Variants in CNTN5 observed in about 807,000 individuals in gnomAD.
CNTN5 encodes the protein contactin 5.
In CNTN5, 77 loss-of-function variants were observed where a neutral mutation model predicts 129.1. That is an observed-to-expected ratio of 0.60 (90% CI 0.50 to 0.72). CNTN5 has a LOEUF of 0.72. CNTN5 is among the 30% of genes least tolerant of loss of function. The pLI is 0.00. For synonymous variants in CNTN5, 509 were observed against 465.6 expected, an observed-to-expected ratio of 1.09 and a Z score of -1.20; for missense variants, 1,478 against 1,328.8, an observed-to-expected ratio of 1.11 and a Z score of -1.75.
At chr11:99,560,544 G>A (rs1209766297) in intron 3 of CNTN5, among the ~76,000 whole-genome samples, 2 of 152,056 alleles carry the variant, frequency 1.3e-5, no homozygotes, top group East Asian at 1.9e-4. Context: ...GCCTGCCTCG[G>A]CCTCCCAAAC....
intron 3 of CNTN5, among the ~76,000 whole-genome samples, chr11:99,666,143 T>A (rs1437442184): frequency 6.6e-6 from 1 of 152,054 alleles, no homozygotes; most frequent in East Asian, 1.9e-4. Context: ...GATTTTTGTA[T>A]TTTTAGTGGT....
intron 6 of CNTN5, among the ~76,000 whole-genome samples, chr11:99,861,577 G>T (rs1266106735): frequency 2.0e-5 from 3 of 151,982 alleles, no homozygotes; most frequent in Admixed American, 6.6e-5. Context: ...TTATGTGTAG[G>T]TAAAACTCAA....
At chr11:100,108,142 C>G (rs111888724) in intron 13 of CNTN5, among the ~76,000 whole-genome samples, 3,352 of 151,852 alleles carry the variant, frequency 0.022, 92 homozygotes, top group African/African-American at 0.064. Context: ...TCCCAGAAGG[C>G]CAAGCTGAGA....
chr11:99,860,670 T>C (rs1948175583), intron 6 of CNTN5, among the ~76,000 whole-genome samples: 1 of 152,176 alleles, frequency 6.6e-6, no homozygotes, highest in African/African-American at 2.4e-5. Flanking sequence ...TCTGATTTTG[T>C]ACCAGTACCA....
At chr11:100,000,601 G>C (rs1939797391) in intron 8 of CNTN5, among the ~76,000 whole-genome samples, 2 of 152,136 alleles carry the variant, frequency 1.3e-5, no homozygotes, top group Non-Finnish European at 1.5e-5. Flanking sequence ...GGAGGATGGT[G>C]GCCATATTCT....
At chr11:100,026,559 GT>G (rs1282763395) in intron 9 of CNTN5, among the ~76,000 whole-genome samples, 4 of 152,174 alleles carry the variant, frequency 2.6e-5, no homozygotes, top group Admixed American at 2.0e-4. Context: ...TGTTGTCCAT[GT>G]TCTGAATTTT....
chr11:99,293,548 C>T (rs1272912261), intron 1 of CNTN5, among the ~76,000 whole-genome samples: 1 of 152,070 alleles, frequency 6.6e-6, no homozygotes, highest in Non-Finnish European at 1.5e-5. Context: ...CCACTGGGTC[C>T]TAGGCTTTTC....
chr11:99,368,211 T>A (rs2136124690), intron 2 of CNTN5, among the ~76,000 whole-genome samples: 1 of 137,774 alleles, frequency 7.3e-6, no homozygotes, highest in South Asian at 2.4e-4. Context: ...CTTTATCAAT[T>A]CATTTAGAAT....
At chr11:100,162,319 C>T (rs2138367869) in intron 13 of CNTN5, among the ~76,000 whole-genome samples, 1 of 151,996 alleles carries the variant, frequency 6.6e-6, no homozygotes, top group South Asian at 2.1e-4. Flanking sequence ...CTTTCATTAT[C>T]CTCTATGCTA....
chr11:100,036,642 A>C (rs964003489), intron 9 of CNTN5, among the ~76,000 whole-genome samples: 20 of 150,124 alleles, frequency 1.3e-4, no homozygotes, highest in African/African-American at 4.1e-4. Flanking sequence ...CTTTTATTTC[A>C]TTGAGCAGTG....
At chr11:99,493,907 C>A (rs1420723491) in intron 2 of CNTN5, among the ~76,000 whole-genome samples, 1 of 151,992 alleles carries the variant, frequency 6.6e-6, no homozygotes, top group Non-Finnish European at 1.5e-5. Context: ...CAAAAGCAAT[C>A]TATATAGTCA....
chr11:99,272,663 C>T (rs1209218446), intron 1 of CNTN5, among the ~76,000 whole-genome samples: 1 of 151,692 alleles, frequency 6.6e-6, no homozygotes, highest in Non-Finnish European at 1.5e-5. Context: ...GAAATGCACA[C>T]AATTTAAAAA....
chr11:99,736,252 G>A (rs1219909039), intron 3 of CNTN5, among the ~76,000 whole-genome samples: 1 of 152,204 alleles, frequency 6.6e-6, no homozygotes, highest in African/African-American at 2.4e-5. Flanking sequence ...CTTATCTGTG[G>A]TAAGCAGGGT....
chr11:99,282,418 T>C (rs975964497), intron 1 of CNTN5, among the ~76,000 whole-genome samples: 14 of 151,970 alleles, frequency 9.2e-5, no homozygotes, highest in African/African-American at 3.4e-4. Context: ...CATTTTTCCA[T>C]GTATGATGAG....
At chr11:100,049,826 A>G (rs1942864569) in intron 9 of CNTN5, among the ~76,000 whole-genome samples, 1 of 152,194 alleles carries the variant, frequency 6.6e-6, no homozygotes, top group South Asian at 2.1e-4. Context: ...ACATGAACAG[A>G]CACTTCTCAA....
chr11:99,672,010 C>T (rs929427883), intron 3 of CNTN5, among the ~76,000 whole-genome samples: 29 of 152,162 alleles, frequency 1.9e-4, no homozygotes, highest in Non-Finnish European at 4.4e-5. Context: ...TGTGCTGTGT[C>T]ATCATCTCCT....
intron 7 of CNTN5, among the ~76,000 whole-genome samples, chr11:99,924,326 T>C (rs1950011917): frequency 6.6e-6 from 1 of 152,106 alleles, no homozygotes; most frequent in African/African-American, 2.4e-5. Context: ...CCTAGGCCAA[T>C]GTCTAGAGAG....
chr11:99,438,468 C>T (rs1004804756), intron 2 of CNTN5, among the ~76,000 whole-genome samples: 2 of 152,120 alleles, frequency 1.3e-5, no homozygotes, highest in Non-Finnish European at 2.9e-5. Context: ...AATTTTAGGT[C>T]ACCTAAAAAT....
intron 3 of CNTN5, among the ~76,000 whole-genome samples, chr11:99,767,479 G>C (rs1021845113): frequency 5.3e-5 from 8 of 152,060 alleles, no homozygotes; most frequent in Non-Finnish European, 1.0e-4. Flanking sequence ...AACAGTCTAA[G>C]TAATGGTATT....
Sources: allele counts gnomAD v4.1 joint callset (sites outside exome capture counted in the v4.1 genomes callset), GRCh38; gene constraint gnomAD v4.1.1; transcripts MANE v1.5; gene names NCBI Gene and HGNC (gene_info 2026-07-23, HGNC 2026-07-21).